The following NREP variants were observed in gnomAD, a reference collection of about 807,000 sequenced individuals.
NREP encodes neuronal regeneration related protein, also known as neuronal regeneration-related protein.
NREP carries 5 observed loss-of-function variants against 8.6 expected under a neutral mutation model. That is an observed-to-expected ratio of 0.58 (90% CI 0.30 to 1.22). The LOEUF (loss-of-function observed/expected upper bound fraction) is 1.22. NREP is among the 50% of genes most tolerant of loss of function. NREP has a pLI of 0.07. For synonymous variants in NREP, 27 were observed against 28.0 expected, an observed-to-expected ratio of 0.96 and a Z score of 0.11; for missense variants, 86 against 82.5, an observed-to-expected ratio of 1.04 and a Z score of -0.17.
At chr5:111,972,690 C>T (rs768024059) in intron 2 of NREP, among the ~76,000 whole-genome samples, 8 of 152,094 alleles carry the variant, frequency 5.3e-5, no homozygotes, top group Non-Finnish European at 1.0e-4. Context: ...TTTTCAGGGC[C>T]AGGGATACTG....
chr5:111,940,143 T>G (rs896497198), intron 2 of NREP: 1 of 152,082 alleles, frequency 6.6e-6, no homozygotes, highest in Non-Finnish European at 1.5e-5. Flanking sequence ...CAGTAAGTTG[T>G]CAAAACAAAA....
chr5:111,822,838 A>G (rs1325849399), intron 2 of NREP, among the ~76,000 whole-genome samples: 2 of 152,238 alleles, frequency 1.3e-5, no homozygotes, highest in Admixed American at 6.5e-5. Flanking sequence ...TGTCATTAGT[A>G]TGCAGAAAAG....
intron 2 of NREP, among the ~76,000 whole-genome samples, chr5:111,767,135 G>A (rs959810168): frequency 6.6e-6 from 1 of 152,060 alleles, no homozygotes; most frequent in Non-Finnish European, 1.5e-5. Flanking sequence ...TTTCAACTTG[G>A]GTTAGGCTGA....
At chr5:111,884,914 C>T (rs1305535242) in intron 2 of NREP, among the ~76,000 whole-genome samples, 4 of 152,180 alleles carry the variant, frequency 2.6e-5, no homozygotes, top group Admixed American at 2.6e-4. Context: ...AAAACTGGCA[C>T]ACGACAGGGA....
chr5:111,976,282 C>G (rs25791), intron 1 of NREP, among the ~76,000 whole-genome samples: 60,830 of 152,040 alleles, frequency 0.4, 14,748 homozygotes, highest in Non-Finnish European at 0.55. Context: ...TGTTCTATGG[C>G]ATCTCTGACA....
intron 2 of NREP, among the ~76,000 whole-genome samples, chr5:111,951,373 C>A (rs918712547): frequency 2.6e-5 from 4 of 151,836 alleles, no homozygotes; most frequent in Admixed American, 1.3e-4. Flanking sequence ...ATTTTTTTTA[C>A]AGCAGGGGTA....
upstream of NREP, among the ~76,000 whole-genome samples, chr5:111,758,838 T>C (rs1048047260): frequency 2.6e-5 from 4 of 152,234 alleles, no homozygotes; most frequent in Non-Finnish European, 2.9e-5. Flanking sequence ...TCTGTATGCT[T>C]GTTGCTGGGA....
chr5:111,872,092 G>C (rs1753804780), intron 2 of NREP, among the ~76,000 whole-genome samples: 1 of 151,602 alleles, frequency 6.6e-6, no homozygotes, highest in African/African-American at 2.4e-5. Context: ...ATTTGAGACA[G>C]AGAGAGATTT....
chr5:111,750,065 G>C (rs1750258107), intron 2 of NREP, among the ~76,000 whole-genome samples: 1 of 152,092 alleles, frequency 6.6e-6, no homozygotes, highest in Non-Finnish European at 1.5e-5. Flanking sequence ...CCTGCTCAGG[G>C]GCTTCCTATT....
intron 2 of NREP, among the ~76,000 whole-genome samples, chr5:111,833,423 C>T (rs1002350636): frequency 3.3e-5 from 5 of 152,190 alleles, no homozygotes; most frequent in African/African-American, 1.2e-4. Flanking sequence ...TTATGAATGA[C>T]AGAATCATTC....
chr5:111,765,149 TC>T (rs1383173408), intron 2 of NREP, among the ~76,000 whole-genome samples: 1 of 152,118 alleles, frequency 6.6e-6, no homozygotes, highest in Non-Finnish European at 1.5e-5. Flanking sequence ...AGAAAACTGT[TC>T]CACCTCAGAT....
At chr5:111,895,572 G>T (rs2112539986) in intron 2 of NREP, among the ~76,000 whole-genome samples, 1 of 152,196 alleles carries the variant, frequency 6.6e-6, no homozygotes, top group South Asian at 2.1e-4. Context: ...TAGTATGGGT[G>T]AGGCAGGCAG....
chr5:111,744,927 T>C (rs1749908662), intron 2 of NREP, among the ~76,000 whole-genome samples: 1 of 152,132 alleles, frequency 6.6e-6, no homozygotes, highest in African/African-American at 2.4e-5. Flanking sequence ...CAGTCTTTCT[T>C]CCATTGTAAA....
chr5:111,833,183 G>C (rs1196237036), intron 2 of NREP, among the ~76,000 whole-genome samples: 1 of 152,206 alleles, frequency 6.6e-6, no homozygotes, highest in African/African-American at 2.4e-5. Context: ...TCAGATGACT[G>C]TGAAAATCTC....
At chr5:111,861,472 A>G (rs571360223) in intron 2 of NREP, among the ~76,000 whole-genome samples, 48 of 152,260 alleles carry the variant, frequency 3.2e-4, no homozygotes, top group South Asian at 8.3e-4. Context: ...CAAGGGCTAG[A>G]TAGGCTCCAG....
At chr5:111,779,908 T>C (rs1403512363) in intron 2 of NREP, among the ~76,000 whole-genome samples, 2 of 152,178 alleles carry the variant, frequency 1.3e-5, no homozygotes, top group African/African-American at 4.8e-5. Flanking sequence ...ATTATTTTTA[T>C]TTTTGCCTCA....
intron 2 of NREP, among the ~76,000 whole-genome samples, chr5:111,753,241 T>C (rs1256501786): frequency 6.6e-6 from 1 of 151,456 alleles, no homozygotes; most frequent in Non-Finnish European, 1.5e-5. Flanking sequence ...CACAACTTTA[T>C]GTAAATAGCA....
chr5:111,919,984 C>A (rs74963872), intron 2 of NREP, among the ~76,000 whole-genome samples: 31,809 of 127,288 alleles, frequency 0.25, 4,368 homozygotes, highest in African/African-American at 0.38. Context: ...CCCCCCCCCC[C>A]CACACACACA....
Position 111,942,833 on chromosome 5 carries a change from T to C in NREP, c.135+32441A>G, listed in dbSNP as rs146288416. On this transcript the variant is annotated intron_variant, in intron 2 of 3. Coordinates refer to the NREP transcript ENST00000395634. ...TCCTGTATTCATCTCATAGTAGTAG[T>C]CAACACTAGGCAAGTTACTGGAACT... 3.7e-4 allele frequency among the ~76,000 whole-genome samples: 57 copies of C among 152,168 alleles called. 1 individual carries two copies. In the East Asian group the frequency reaches 8.4e-3, roughly 22 times the overall value.
Sources: gnomAD v4.1 joint callset for allele counts (sites outside exome capture counted in the v4.1 genomes callset) on GRCh38, gnomAD v4.1.1 for gene constraint, MANE v1.5 for transcripts, NCBI Gene and HGNC (gene_info 2026-07-23, HGNC 2026-07-21) for gene names.